The following THOC2 variants were observed in gnomAD, a reference collection of about 807,000 sequenced individuals.
THOC2 encodes THO complex 2.
Under a neutral mutation model 128.4 loss-of-function variants are expected in THOC2, and 10 were observed. The observed-to-expected ratio is 0.08, with a 90% CI of 0.05 to 0.13. The LOEUF is 0.13. Among genes scored for constraint, THOC2 ranks in the 10% least tolerant of loss-of-function variants. THOC2 has a pLI of 1.00. For missense variants in THOC2, 535 were observed against 1,155.7 expected (o/e 0.46, Z 7.79); for synonymous variants, 393 against 396.9 (o/e 0.99, Z 0.12).
At position 123,638,876 on chromosome X, in the gene THOC2, G is replaced by A. The variant is rs779569944; in HGVS notation, c.1840+58C>T. The A allele has an allele frequency of 1.5e-4, 104 of 702,762 alleles. No individual in the cohort carries two copies. In the East Asian group the frequency reaches 3.3e-3, roughly 22 times the overall value. 57.9% of individuals were successfully genotyped at this position (702,762 alleles called of 1,213,427 possible). ...AAGGAAAATAGAATGAAAATAAAAC[G>A]TTTACCATATGATCTATTAAATATG... is the stretch of plus-strand genomic sequence containing the variant. On this transcript the variant is annotated intron_variant, in intron 17 of 38. Transcript: ENST00000245838.
chrX:123,678,453 G>C (rs1402885793), intron 8 of THOC2, among the ~76,000 whole-genome samples: 1 of 109,387 alleles, frequency 9.1e-6, no homozygotes, highest in African/African-American at 3.3e-5. Context: ...TTTGGGTAGA[G>C]ACAGGGTTTC....
chrX:123,685,621 C>G (rs889272734), intron 8 of THOC2, among the ~76,000 whole-genome samples: 1 of 111,289 alleles, frequency 9.0e-6, no homozygotes, highest in Non-Finnish European at 1.9e-5. Flanking sequence ...AAAGATAAGG[C>G]CGGAAAGAAC....
At chrX:123,727,026 C>T (rs895318459) in intron 1 of THOC2, among the ~76,000 whole-genome samples, 1 of 110,196 alleles carries the variant, frequency 9.1e-6, no homozygotes, top group African/African-American at 3.3e-5. Context: ...ATAGCAAAAC[C>T]CCATCCCTAC....
At position 123,696,169 on chromosome X, in the gene THOC2, A is replaced by G; in HGVS notation, c.468-15T>C. 1 of 1,105,429 alleles carries G rather than the reference A, an allele frequency of 9.0e-7. No homozygotes were observed. The highest frequency in any genetic ancestry group is 2.3e-5 in the Admixed American group (1 of 43,542). 91.1% of individuals were successfully genotyped at this position (1,105,429 alleles called of 1,213,427 possible). A position where few individuals can be genotyped will look rare whatever the true frequency, so the allele number is the denominator to read the frequency against. Reference sequence around the variant, plus strand: ...GCTGCTTATAACTGAAATCAGATAAATATCATTAAGGGGATAAAATTAATT... The same window carrying G: ...GCTGCTTATAACTGAAATCAGATAAGTATCATTAAGGGGATAAAATTAATT... On this transcript the variant is annotated splice_polypyrimidine_tract_variant and intron_variant, in intron 6 of 38. Coordinates refer to ENST00000245838, the MANE Select transcript of THOC2 (RefSeq NM_001081550.2).
At chrX:123,671,603 T>C (rs1252301129) in intron 9 of THOC2, 66 bp downstream of exon 9, 2 of 673,849 alleles carry the variant, frequency 3.0e-6, no homozygotes, top group Non-Finnish European at 4.4e-6. Flanking sequence ...GCTATGTGGC[T>C]ACCTACTCCT....
intron 38 of THOC2, chrX:123,603,585 CA>C: frequency 1.2e-6 from 1 of 807,051 alleles, no homozygotes; most frequent in Non-Finnish European, 1.9e-6. Context: ...AATGTCTCGT[CA>C]AGAGGATGGT....
At chrX:123,680,191 CG>C (rs2049703986) in intron 8 of THOC2, among the ~76,000 whole-genome samples, 1 of 111,047 alleles carries the variant, frequency 9.0e-6, no homozygotes, top group Non-Finnish European at 1.9e-5. Flanking sequence ...TGGAATGTCT[CG>C]GTGTAAAACC....
chrX:123,657,135 A>G (rs186229022), intron 12 of THOC2, among the ~76,000 whole-genome samples: 125 of 112,091 alleles, frequency 1.1e-3, no homozygotes, highest in African/African-American at 3.9e-3. Flanking sequence ...TTATTGGGAG[A>G]TAACGCGGCT....
chrX:123,644,118 T>C (rs908483614), intron 15 of THOC2, among the ~76,000 whole-genome samples: 1 of 112,140 alleles, frequency 8.9e-6, no homozygotes, highest in Admixed American at 9.4e-5. Flanking sequence ...AAAAAGAAAT[T>C]TCTCAAAAGT....
At position 123,621,355 on chromosome X, in the gene THOC2, C is replaced by G; in HGVS notation, c.4018G>C (p.Glu1340Gln). ...KFKKEEKAKD[E>Q]KFKTTVPNAE... ...TTGGGGACAGTGGTCTTAAATTTCT[C>G]ATCTTTAGCTTTTTCTTCCTTCTTG... Residue 1340 changes from glutamate to glutamine, a missense_variant, in exon 31 of 39, where the codon GAG (glutamate) becomes CAG (glutamine). This residue lies in a region of THOC2 where 116 missense variants were observed against 180.0 expected (regional missense o/e 0.64). Transcript: ENST00000245838. The G allele has an allele frequency of 8.3e-7, 1 of 1,210,536 alleles. No homozygotes were observed.
chrX:123,640,703 G>T, intron 15 of THOC2, 81 bp from the exon 16 acceptor site: 1 of 526,343 alleles, frequency 1.9e-6, no homozygotes, highest in Non-Finnish European at 3.0e-6. Flanking sequence ...CATCATCGTG[G>T]GGGAAAAAGC....
intron 1 of THOC2, among the ~76,000 whole-genome samples, chrX:123,724,920 CACAA>C (rs1265936007): frequency 7.3e-5 from 8 of 109,965 alleles, no homozygotes; most frequent in Admixed American, 3.9e-4. Flanking sequence ...CTACCAAAAA[CACAA>C]ACAATTAGCA....
chrX:123,711,199 TTG>T (rs1360963372), intron 2 of THOC2, among the ~76,000 whole-genome samples: 4 of 103,194 alleles, frequency 3.9e-5, no homozygotes, highest in Non-Finnish European at 5.9e-5. Context: ...TTTTTTGTTT[TTG>T]TTTTTTTTTT....
At chrX:123,609,507 T>C (rs1218887748) in intron 38 of THOC2, among the ~76,000 whole-genome samples, 2 of 111,602 alleles carry the variant, frequency 1.8e-5, no homozygotes, top group African/African-American at 6.5e-5. Context: ...CATACCCTTA[T>C]ACAGAACTGG....
chrX:123,616,689 C>T (rs1176112304), intron 33 of THOC2, among the ~76,000 whole-genome samples: 1 of 105,700 alleles, frequency 9.5e-6, no homozygotes, highest in East Asian at 2.9e-4. Context: ...TTTTTTTTAA[C>T]ACTATCTTCA....
intron 12 of THOC2, among the ~76,000 whole-genome samples, chrX:123,651,727 C>CG (rs2048364523): frequency 1.9e-5 from 2 of 103,200 alleles, no homozygotes; most frequent in East Asian, 3.1e-4. Flanking sequence ...ACACATACGC[C>CG]CCCCCCCCAA....
intron 12 of THOC2, among the ~76,000 whole-genome samples, chrX:123,651,497 T>A (rs1295582673): frequency 9.0e-6 from 1 of 111,252 alleles, no homozygotes; most frequent in South Asian, 3.8e-4. Flanking sequence ...CTTCAAAGTA[T>A]CACGGAATCC....
At chrX:123,711,118 A>C (rs1378418513) in intron 2 of THOC2, among the ~76,000 whole-genome samples, 1 of 103,470 alleles carries the variant, frequency 9.7e-6, no homozygotes, top group African/African-American at 3.5e-5. Context: ...TCCCGGGTTC[A>C]AGCGATTCTC....
In THOC2 at chrX:123,639,585, T is replaced by C. The variant is rs187783337; in HGVS notation, c.1747-558A>G. On this transcript the variant is annotated intron_variant, in intron 16 of 38. Transcript: ENST00000245838. ...TAGAAATGCTACTGATTTTTGTATG[T>C]TGATTTTGTATCCTGAAACTTTACT... 2.4e-4 allele frequency among the ~76,000 whole-genome samples: 27 copies of C among 111,640 alleles called. 1 individual carries two copies. The East Asian group carries it at 6.5e-3, about 27-fold the overall frequency.
Sources: gnomAD v4.1 joint callset for allele counts (sites outside exome capture counted in the v4.1 genomes callset) on GRCh38, gnomAD v4.1.1 for gene constraint, gnomAD v4.1.1 regional missense constraint, MANE v1.5 for transcripts, NCBI Gene and HGNC (gene_info 2026-07-23, HGNC 2026-07-21) for gene names.